C14orf132: variants seen among roughly 807,000 people sequenced by gnomAD.
C14orf132 encodes the protein uncharacterized protein C14orf132.
C14orf132 carries 6 observed loss-of-function variants against 5.8 expected under a neutral mutation model. The ratio of observed to expected loss-of-function variants is 1.03; its 90% CI spans 0.57 to 2.04. The LOEUF is 2.04. C14orf132 is among the 30% of genes most tolerant of loss of function. C14orf132 has a pLI of 0.00. For missense variants in C14orf132, 125 were observed against 115.8 expected, an observed-to-expected ratio of 1.08 and a Z score of -0.37; for synonymous variants, 51 against 49.8, an observed-to-expected ratio of 1.02 and a Z score of -0.10.
intron 1 of C14orf132, among the ~76,000 whole-genome samples, chr14:96,079,316 A>G (rs1373583083): frequency 2.6e-5 from 4 of 152,138 alleles, no homozygotes; most frequent in Admixed American, 2.6e-4. Context: ...CATACAGCTA[A>G]AAAGGAACCA....
At chr14:96,052,435 C>T (rs546966081) in intron 1 of C14orf132, among the ~76,000 whole-genome samples, 5 of 152,364 alleles carry the variant, frequency 3.3e-5, no homozygotes, top group Non-Finnish European at 7.3e-5. Context: ...CCAAGCAGCT[C>T]ACCATCAGGG....
At chr14:96,069,881 T>C (rs1256594864) in intron 1 of C14orf132, among the ~76,000 whole-genome samples, 1 of 152,220 alleles carries the variant, frequency 6.6e-6, no homozygotes, top group East Asian at 1.9e-4. Context: ...GAAGTTTATT[T>C]TGATGCTCTT....
intron 1 of C14orf132, among the ~76,000 whole-genome samples, chr14:96,078,236 C>T (rs547558922): frequency 7.9e-5 from 12 of 152,232 alleles, no homozygotes; most frequent in South Asian, 2.1e-4. Context: ...CCATCGCAAC[C>T]GTGGCAACAC....
chr14:96,053,825 C>G lies in C14orf132; in HGVS notation c.27+14298C>G, dbSNP rs201311278. On this transcript the variant is annotated intron_variant, in intron 1 of 1. Transcript: ENST00000555004. ...AAAAAAAGGAGGGATGTGGTCCCAC[C>G]CACAGTCATGAGGCCTTGGGGAGGG... Among the ~76,000 whole-genome samples the G allele has an allele frequency of 1.1e-4, 16 of 152,304 alleles. No individual in the cohort carries two copies. In the East Asian group the frequency reaches 2.3e-3, roughly 22 times the overall value.
At chr14:96,043,267 C>G (rs899536205) in intron 1 of C14orf132, among the ~76,000 whole-genome samples, 6 of 152,118 alleles carry the variant, frequency 3.9e-5, no homozygotes, top group African/African-American at 1.4e-4. Context: ...AGGGGAAGCC[C>G]ACATCATCCA....
intron 1 of C14orf132, among the ~76,000 whole-genome samples, chr14:96,084,548 A>G (rs192592990): frequency 2.3e-4 from 35 of 152,328 alleles, no homozygotes; most frequent in African/African-American, 8.2e-4. Flanking sequence ...ATTTACACTT[A>G]TAATTGTATT....
At chr14:96,078,324 C>T (rs1479996287) in intron 1 of C14orf132, among the ~76,000 whole-genome samples, 5 of 152,214 alleles carry the variant, frequency 3.3e-5, no homozygotes, top group African/African-American at 1.2e-4. Flanking sequence ...CGGGGATTCC[C>T]CTCAAACTGC....
At chr14:96,082,233 G>A (rs371116220) in intron 1 of C14orf132, among the ~76,000 whole-genome samples, 5 of 152,292 alleles carry the variant, frequency 3.3e-5, no homozygotes, top group South Asian at 4.1e-4. Context: ...CAGCAGTGGC[G>A]TGCCACCAGA....
rs55648129 is a variant in C14orf132, at chr14:96,069,256, CATATATATATATATAT to C, written c.28-17220_28-17205del. Among the ~76,000 whole-genome samples, 119 of 95,254 alleles carry C rather than the reference CATATATATATATATAT, an allele frequency of 1.2e-3. 2 individuals are homozygous for C. The highest frequency in any genetic ancestry group is 4.3e-3 in the South Asian group (13 of 3,008). The allele number at this position is 95,254 out of a possible 152,430, so 62.5% of individuals were successfully genotyped here. A position where few individuals can be genotyped will look rare whatever the true frequency, so the allele number is the denominator to read the frequency against. ...ATATGTTATTGGTTCTGTTTATGTT[CATATATATATATATAT>C]ATATATATATATATATATATATATA... On this transcript the variant is annotated intron_variant, in intron 1 of 1. Transcript: ENST00000555004.
At chr14:96,047,018 G>A (rs955583853) in intron 1 of C14orf132, among the ~76,000 whole-genome samples, 1 of 152,194 alleles carries the variant, frequency 6.6e-6, no homozygotes, top group Non-Finnish European at 1.5e-5. Flanking sequence ...GAGTCTGGCA[G>A]TCTGCTTCTT....
rs1300502789 is a variant in C14orf132, at chr14:96,039,490, G to T, written c.-11G>T. 1.1e-5 allele frequency: 16 copies of T among 1,498,544 alleles called. No individual in the cohort carries two copies. Among genetic ancestry groups the T allele is most frequent in the Non-Finnish European group, 1.4e-5 (16 of 1,127,032 alleles). 92.8% of individuals were successfully genotyped at this position (1,498,544 alleles called of 1,614,324 possible). A position where few individuals can be genotyped will look rare whatever the true frequency, so the allele number is the denominator to read the frequency against. On this transcript the variant is annotated 5_prime_UTR_variant, in exon 1 of 2. Coordinates refer to ENST00000555004, the MANE Select transcript of C14orf132 (RefSeq NM_001252507.3). This position sits in a 1 kb window ranked among gnomAD's most constrained non-coding sequence, Gnocchi z 5.3. ...AGCAGCGAGGACTCGAGCGCTGGCT[G>T]CAGCGACACCATGGATCTCTCCTTT... is the stretch of plus-strand genomic sequence containing the variant.
Position 96,087,170 on chromosome 14 carries a change from T to G in C14orf132, c.*435T>G. The G allele has an allele frequency of 5.5e-6, 1 of 182,814 alleles. No individual in the cohort carries two copies. The highest frequency in any genetic ancestry group is 1.6e-4 in the East Asian group (1 of 6,356). The allele number at this position is 182,814 out of a possible 1,614,324, so 11.3% of individuals were successfully genotyped here. A position where few individuals can be genotyped will look rare whatever the true frequency, so the allele number is the denominator to read the frequency against. Reference sequence around the variant, plus strand: ...TGGGGCAAGAGCAGCCCTCAGAACTTCAGTGTTCCTGACCCAATTCTGGTT... The same window carrying G: ...TGGGGCAAGAGCAGCCCTCAGAACTGCAGTGTTCCTGACCCAATTCTGGTT... On this transcript the variant is annotated 3_prime_UTR_variant, in exon 2 of 2. Coordinates refer to ENST00000555004, the MANE Select transcript of C14orf132 (RefSeq NM_001252507.3).
At chr14:96,046,118 G>A (rs1449979602) in intron 1 of C14orf132, among the ~76,000 whole-genome samples, 2 of 152,170 alleles carry the variant, frequency 1.3e-5, no homozygotes, top group Non-Finnish European at 2.9e-5. Flanking sequence ...GGTAGAAGCT[G>A]CAGGCTTCGT....
At chr14:96,080,675 C>A (rs1888003829) in intron 1 of C14orf132, among the ~76,000 whole-genome samples, 1 of 152,220 alleles carries the variant, frequency 6.6e-6, no homozygotes, top group African/African-American at 2.4e-5. Context: ...CCACCCCACT[C>A]CTTGGAGCAG....
intron 1 of C14orf132, among the ~76,000 whole-genome samples, chr14:96,063,466 G>A (rs778687952): frequency 5.3e-5 from 8 of 152,062 alleles, no homozygotes; most frequent in East Asian, 3.9e-4. Flanking sequence ...ACGCCACCAC[G>A]TCGGGCTAAT....
At chr14:96,064,857 C>T (rs954354821) in intron 1 of C14orf132, among the ~76,000 whole-genome samples, 2 of 152,114 alleles carry the variant, frequency 1.3e-5, no homozygotes, top group South Asian at 2.1e-4. Flanking sequence ...AAAAAAGTCA[C>T]GTCCTCATCT....
chr14:96,050,230 C>T (rs180710999), intron 1 of C14orf132, among the ~76,000 whole-genome samples: 15 of 152,230 alleles, frequency 9.9e-5, no homozygotes, highest in Non-Finnish European at 2.1e-4. Flanking sequence ...TATTCTTGTG[C>T]TTTGTTCTGG....
chr14:96,062,592 T>C (rs1270501277), intron 1 of C14orf132, among the ~76,000 whole-genome samples: 1 of 152,130 alleles, frequency 6.6e-6, no homozygotes. Context: ...TCCTGCCTCT[T>C]AGGAAAAAGT....
At chr14:96,085,790 C>G (rs1888162901) in intron 1 of C14orf132, among the ~76,000 whole-genome samples, 1 of 152,126 alleles carries the variant, frequency 6.6e-6, no homozygotes, top group East Asian at 1.9e-4. Context: ...CATCATTTAT[C>G]ATAGGAAAAG....
Sources: gnomAD v4.1 joint callset for allele counts (sites outside exome capture counted in the v4.1 genomes callset) on GRCh38, gnomAD v4.1.1 for gene constraint, Gnocchi (gnomAD v3.1) non-coding constraint, MANE v1.5 for transcripts, NCBI Gene and HGNC (gene_info 2026-07-23, HGNC 2026-07-21) for gene names.